NAALADL2: variants seen among roughly 807,000 people sequenced by gnomAD.
NAALADL2 encodes the protein inactive N-acetylated-alpha-linked acidic dipeptidase-like protein 2.
Under a neutral mutation model 87.2 loss-of-function variants are expected in NAALADL2, and 76 were observed. That is an observed-to-expected ratio of 0.87 (90% CI 0.72 to 1.05). The LOEUF (loss-of-function observed/expected upper bound fraction) is 1.05. Among genes scored for constraint, NAALADL2 ranks in the 50% least tolerant of loss-of-function variants. NAALADL2 has a pLI of 0.00. For missense variants in NAALADL2, 1,089 were observed against 945.8 expected (o/e 1.15, Z -1.99); for synonymous variants, 354 against 331.0 (o/e 1.07, Z -0.75).
chr3:175,633,042 G>A (rs1728014907), intron 11 of NAALADL2, among the ~76,000 whole-genome samples: 2 of 151,986 alleles, frequency 1.3e-5, no homozygotes, highest in African/African-American at 4.8e-5. Flanking sequence ...AGCAACACTG[G>A]TCCAGCTGAG....
At chr3:174,994,677 C>T (rs1446912200) in intron 1 of NAALADL2, among the ~76,000 whole-genome samples, 2 of 152,050 alleles carry the variant, frequency 1.3e-5, no homozygotes, top group African/African-American at 4.8e-5. Context: ...GTAAAAACGA[C>T]TGGTAATGGA....
chr3:174,776,883 G>A (rs529953494), intron 3 of NAALADL2, among the ~76,000 whole-genome samples: 2 of 152,202 alleles, frequency 1.3e-5, no homozygotes, highest in South Asian at 2.1e-4. Context: ...ATTCAGTTCC[G>A]AGTGCACAGA....
At chr3:174,918,099 T>A (rs1338993042) in intron 1 of NAALADL2, among the ~76,000 whole-genome samples, 2 of 152,146 alleles carry the variant, frequency 1.3e-5, no homozygotes, top group Non-Finnish European at 2.9e-5. Context: ...TTTGATTCCA[T>A]CTTAGAAAAG....
At chr3:175,013,066 TA>T (rs1442253145) in intron 1 of NAALADL2, among the ~76,000 whole-genome samples, 1 of 122,048 alleles carries the variant, frequency 8.2e-6, no homozygotes, top group Non-Finnish European at 1.6e-5. Context: ...TATACACATA[TA>T]TATAAATATG....
intron 1 of NAALADL2, among the ~76,000 whole-genome samples, chr3:175,040,976 A>C (rs760231540): frequency 1.3e-5 from 2 of 152,192 alleles, no homozygotes; most frequent in African/African-American, 2.4e-5. Flanking sequence ...GTACATTTTC[A>C]TTCATGCTCT....
chr3:174,571,117 A>G (rs1714864099), intron 2 of NAALADL2, among the ~76,000 whole-genome samples: 1 of 152,184 alleles, frequency 6.6e-6, no homozygotes, highest in Non-Finnish European at 1.5e-5. Context: ...TAGTCTGTAG[A>G]CATCTCTGAA....
In NAALADL2 at chr3:174,778,449, TGC is replaced by T. The variant is rs1560217082; in HGVS notation, c.-9+40704_-9+40705del. Reference sequence around the variant, plus strand: ...CCACAGAGATTTACTAGGGCTACTCTGCACCAGGTTTGGGTTAGGATGTTATT... The same window carrying T: ...CCACAGAGATTTACTAGGGCTACTCTACCAGGTTTGGGTTAGGATGTTATT... On this transcript the variant is annotated intron_variant, in intron 3 of 3. Coordinates refer to the NAALADL2 transcript ENST00000434257. 1.6e-3 allele frequency among the ~76,000 whole-genome samples: 249 copies of T among 151,938 alleles called. 2 individuals carry two copies. The highest frequency in any genetic ancestry group is 5.8e-3 in the African/African-American group (242 of 41,480).
At chr3:175,054,040 T>C (rs1473004051) in intron 1 of NAALADL2, among the ~76,000 whole-genome samples, 1 of 152,230 alleles carries the variant, frequency 6.6e-6, no homozygotes, top group African/African-American at 2.4e-5. Flanking sequence ...CAGTTGTTCA[T>C]CTGTATGAAA....
intron 1 of NAALADL2, among the ~76,000 whole-genome samples, chr3:175,085,720 C>T (rs993656157): frequency 1.5e-4 from 23 of 152,212 alleles, no homozygotes; most frequent in African/African-American, 4.6e-4. Context: ...GAGATCGAGA[C>T]CATCCTGGCC....
intron 2 of NAALADL2, among the ~76,000 whole-genome samples, chr3:174,593,927 T>G (rs1277371833): frequency 6.6e-6 from 1 of 152,158 alleles, no homozygotes; most frequent in Non-Finnish European, 1.5e-5. Context: ...CTGGCAGAGT[T>G]CTGTGAGCCC....
Position 175,597,182 on chromosome 3 carries a change from C to T in NAALADL2, c.1800+20995C>T, listed in dbSNP as rs551776426. Among the ~76,000 whole-genome samples, 41 of 152,150 alleles carry T rather than the reference C, an allele frequency of 2.7e-4. 1 individual carries two copies. Among genetic ancestry groups the T allele is most frequent in the Middle Eastern group, 3.4e-3 (1 of 294 alleles). On this transcript the variant is annotated intron_variant, in intron 10 of 13. Transcript: ENST00000454872. The stretch of plus-strand genomic sequence containing the variant: ...TGTGAAAGCAGAGGGTACAACATAT[C>T]TGAAATTCAAATAGAGTGAATGTTT...
At chr3:175,620,570 G>C (rs1476189485) in intron 10 of NAALADL2, among the ~76,000 whole-genome samples, 1 of 152,072 alleles carries the variant, frequency 6.6e-6, no homozygotes, top group Non-Finnish European at 1.5e-5. Context: ...CTCACAGATC[G>C]GCAGGCAGAA....
intron 5 of NAALADL2, among the ~76,000 whole-genome samples, chr3:175,342,701 C>A (rs1762693245): frequency 1.3e-5 from 2 of 151,946 alleles, no homozygotes; most frequent in Admixed American, 1.3e-4. Flanking sequence ...AGCAATAAAT[C>A]AAAAGAAAAA....
At chr3:175,403,582 A>C (rs1711758617) in intron 5 of NAALADL2, among the ~76,000 whole-genome samples, 1 of 152,122 alleles carries the variant, frequency 6.6e-6, no homozygotes. Flanking sequence ...CATTGTCTAA[A>C]ATTCCAGAGT....
intron 1 of NAALADL2, among the ~76,000 whole-genome samples, chr3:174,471,930 T>C (rs1426115331): frequency 6.6e-6 from 1 of 152,158 alleles, no homozygotes; most frequent in East Asian, 1.9e-4. Flanking sequence ...GAACTGATGA[T>C]AGCTGTATCA....
rs144641313 is a variant in NAALADL2 at position 174,525,922 on chromosome 3, G to C, written c.-183-24647G>C. Among the ~76,000 whole-genome samples the C allele has an allele frequency of 4.7e-4, 72 of 152,260 alleles. 1 individual carries two copies. In the East Asian group the frequency reaches 9.8e-3, roughly 21 times the overall value. ...TAATAATGGGGGAGCATGGATTATT[G>C]TTCTGATCTTATACAAGAGTAGTCT... On this transcript the variant is annotated intron_variant, in intron 1 of 3. Coordinates refer to the NAALADL2 transcript ENST00000434257.
At chr3:175,647,870 T>C (rs2149779986) in intron 11 of NAALADL2, among the ~76,000 whole-genome samples, 1 of 152,342 alleles carries the variant, frequency 6.6e-6, no homozygotes, top group East Asian at 1.9e-4. Flanking sequence ...TTTCTTGCGC[T>C]TGTTAGTTCT....
intron 3 of NAALADL2, among the ~76,000 whole-genome samples, chr3:174,840,048 A>G (rs1243019169): frequency 6.6e-6 from 1 of 152,052 alleles, no homozygotes; most frequent in Non-Finnish European, 1.5e-5. Flanking sequence ...AGATACTTGC[A>G]CATGCATTTA....
chr3:174,862,179 TA>T (rs1204030935), intron 1 of NAALADL2, among the ~76,000 whole-genome samples: 1 of 151,972 alleles, frequency 6.6e-6, no homozygotes, highest in Non-Finnish European at 1.5e-5. Flanking sequence ...GCATAAGGAA[TA>T]GGGGTAAGTG....
Sources: allele counts gnomAD v4.1 joint callset (sites outside exome capture counted in the v4.1 genomes callset), GRCh38; gene constraint gnomAD v4.1.1; transcripts MANE v1.5; gene names NCBI Gene and HGNC (gene_info 2026-07-23, HGNC 2026-07-21).